Variants in KSR2 observed in about 807,000 individuals in gnomAD.
KSR2 encodes kinase suppressor of ras 2.
In KSR2, 25 loss-of-function variants were observed where a neutral mutation model predicts 107.8. The ratio of observed to expected loss-of-function variants is 0.23; its 90% CI spans 0.17 to 0.32. KSR2 has a LOEUF of 0.32. Among genes scored for constraint, KSR2 ranks in the 10% least tolerant of loss-of-function variants. KSR2 has a pLI of 1.00. For missense variants in KSR2, 887 were observed against 1,268.9 expected, an observed-to-expected ratio of 0.70 and a Z score of 4.57; for synonymous variants, 480 against 507.0, an observed-to-expected ratio of 0.95 and a Z score of 0.71.
chr12:117,900,798 A>G (rs79322970), intron 1 of KSR2, among the ~76,000 whole-genome samples: 19,877 of 152,184 alleles, frequency 0.13, 1,392 homozygotes, highest in South Asian at 0.19. Flanking sequence ...TATTAACTGC[A>G]AAAAGCAAGC....
At chr12:117,552,445 C>T (rs1312368295) in intron 9 of KSR2, among the ~76,000 whole-genome samples, 3 of 152,200 alleles carry the variant, frequency 2.0e-5, no homozygotes, top group Non-Finnish European at 4.4e-5. Flanking sequence ...GCAGAAGTGA[C>T]ACTGTCAAAG....
intron 3 of KSR2, among the ~76,000 whole-genome samples, chr12:117,801,968 G>A (rs1890846857): frequency 6.6e-6 from 1 of 152,140 alleles, no homozygotes; most frequent in Non-Finnish European, 1.5e-5. Flanking sequence ...GGCAATGGAA[G>A]GGGCGTGGGA....
chr12:117,525,534 G>A (rs907451045), intron 13 of KSR2, among the ~76,000 whole-genome samples: 6 of 152,128 alleles, frequency 3.9e-5, no homozygotes, highest in South Asian at 2.1e-4. Context: ...TTTTAGCACC[G>A]AAAGTCCCAT....
chr12:117,954,494 C>A (rs919164025), intron 1 of KSR2, among the ~76,000 whole-genome samples: 1 of 152,224 alleles, frequency 6.6e-6, no homozygotes, highest in Non-Finnish European at 1.5e-5. Flanking sequence ...CTGTCACCTG[C>A]AGCCTAGTGG....
chr12:117,508,988 GT>G (rs1335257619), intron 14 of KSR2, among the ~76,000 whole-genome samples: 1 of 151,644 alleles, frequency 6.6e-6, no homozygotes, highest in Non-Finnish European at 1.5e-5. Context: ...TAGATGGATG[GT>G]TCAGAGGGTG....
intron 14 of KSR2, chr12:117,517,633 T>C (rs1874461261): frequency 5.7e-6 from 2 of 353,538 alleles, no homozygotes; most frequent in Admixed American, 3.9e-5. Context: ...GCTGTACATT[T>C]ATAGCGCTTC....
In KSR2 at chr12:117,800,024, T is replaced by C. The variant is rs529726964; in HGVS notation, c.473-38500A>G. 7.9e-5 allele frequency among the ~76,000 whole-genome samples: 12 copies of C among 152,360 alleles called. 1 individual carries two copies. The South Asian group carries it at 2.5e-3, about 32-fold the overall frequency. On this transcript the variant is annotated intron_variant, in intron 3 of 19. Coordinates refer to ENST00000339824, the MANE Select transcript of KSR2 (RefSeq NM_173598.6). ...TGATAATTCAGTGACAATGGCTCTATGTAGAGACTTCAAGGAAACATCCAA... is the reference window on the plus strand; with the variant it reads ...TGATAATTCAGTGACAATGGCTCTACGTAGAGACTTCAAGGAAACATCCAA...
At chr12:117,696,420 G>GA (rs926656388) in intron 4 of KSR2, among the ~76,000 whole-genome samples, 2 of 152,084 alleles carry the variant, frequency 1.3e-5, no homozygotes, top group African/African-American at 2.4e-5. Context: ...TGGATGCCAA[G>GA]AAAAAAACAG....
intron 4 of KSR2, among the ~76,000 whole-genome samples, chr12:117,733,351 T>G (rs139750663): frequency 6.6e-6 from 1 of 152,320 alleles, no homozygotes; most frequent in Non-Finnish European, 1.5e-5. Flanking sequence ...ATGCCTGCTA[T>G]TCTCCTGCCT....
rs542962289 is a variant in KSR2 at position 117,855,356 on chromosome 12, C to A, written c.472+72G>T. 7.7e-6 allele frequency: 12 copies of A among 1,559,266 alleles called. No individual in the cohort carries two copies. The African/African-American group carries it at 9.4e-5, about 12-fold the overall frequency. ...TCGTCCTGGCCTGCAGTGGCGGGCA[C>A]GGGATGCCGAGGGACCGCGGCAGCT... On this transcript the variant is annotated intron_variant, in intron 3 of 19. Coordinates refer to ENST00000339824, the MANE Select transcript of KSR2 (RefSeq NM_173598.6).
intron 10 of KSR2, among the ~76,000 whole-genome samples, chr12:117,536,003 C>G (rs545525061): frequency 5.5e-4 from 84 of 152,260 alleles, no homozygotes; most frequent in African/African-American, 2.0e-3. Context: ...AGGCTGATAA[C>G]AGGAGGTCCA....
intron 3 of KSR2, among the ~76,000 whole-genome samples, chr12:117,764,229 T>A (rs1256084125): frequency 6.6e-6 from 1 of 150,666 alleles, no homozygotes; most frequent in Admixed American, 6.6e-5. Flanking sequence ...GCCTTCCAGA[T>A]GGTTTGGGGC....
chr12:117,531,278 G>T (rs1875615526), intron 11 of KSR2, among the ~76,000 whole-genome samples: 1 of 152,068 alleles, frequency 6.6e-6, no homozygotes, highest in South Asian at 2.1e-4. Flanking sequence ...AGCATTCATT[G>T]GTCATCTCTG....
Position 117,800,265 on chromosome 12 carries a change from G to C in KSR2, c.473-38741C>G, listed in dbSNP as rs1275736231. Reference sequence around the variant, plus strand: ...TGAGGGACCAAGGTTGCTGTTATGAGCTGGTTTATTGAGCCCACTATACAT... The same window carrying C: ...TGAGGGACCAAGGTTGCTGTTATGACCTGGTTTATTGAGCCCACTATACAT... On this transcript the variant is annotated intron_variant, in intron 3 of 19. Coordinates refer to ENST00000339824, the MANE Select transcript of KSR2 (RefSeq NM_173598.6). Among the ~76,000 whole-genome samples the C allele has an allele frequency of 2.0e-5, 3 of 152,144 alleles. No individual in the cohort carries two copies. The East Asian group carries it at 5.8e-4, about 29-fold the overall frequency.
chr12:117,919,983 T>C (rs756447225), intron 1 of KSR2, among the ~76,000 whole-genome samples: 2 of 152,216 alleles, frequency 1.3e-5, no homozygotes, highest in Non-Finnish European at 2.9e-5. Context: ...CTTTAAAAGA[T>C]GGGACTAACA....
chr12:117,800,443 A>G (rs1053395125), intron 3 of KSR2, among the ~76,000 whole-genome samples: 1 of 152,158 alleles, frequency 6.6e-6, no homozygotes, highest in African/African-American at 2.4e-5. Flanking sequence ...CCCTGGGGAA[A>G]AGAAGCCTTG....
At position 117,770,372 on chromosome 12, in the gene KSR2, C is replaced by T. The variant is rs574577277; in HGVS notation, c.473-8848G>A. On this transcript the variant is annotated intron_variant, in intron 3 of 19. Transcript: ENST00000339824. ...AAGGAGCACCAAGGATGGCCAGCCA[C>T]CCGCTGAAGCCGTGGGACAGGCAAG... 3.2e-4 allele frequency among the ~76,000 whole-genome samples: 48 copies of T among 152,254 alleles called. 1 individual carries two copies. In the East Asian group the frequency reaches 5.6e-3, roughly 18 times the overall value.
At chr12:117,860,178 G>T in intron 2 of KSR2, 113 bp downstream of exon 2, 4 of 1,061,890 alleles carry the variant, frequency 3.8e-6, no homozygotes, top group Non-Finnish European at 4.0e-6. Context: ...TTGAGAGCCT[G>T]CTATGTGCCA....
At chr12:117,634,828 T>C (rs1174900642) in intron 5 of KSR2, among the ~76,000 whole-genome samples, 1 of 152,198 alleles carries the variant, frequency 6.6e-6, no homozygotes, top group Non-Finnish European at 1.5e-5. Flanking sequence ...TTCATCTTCC[T>C]GGGAAACAGA....
Sources: gnomAD v4.1 joint callset for allele counts (sites outside exome capture counted in the v4.1 genomes callset) on GRCh38, gnomAD v4.1.1 for gene constraint, MANE v1.5 for transcripts, NCBI Gene and HGNC (gene_info 2026-07-23, HGNC 2026-07-21) for gene names.